SLC35F1: variants seen among roughly 807,000 people sequenced by gnomAD.
The protein encoded by SLC35F1 is solute carrier family 35 member F1, also known as chromosome 6 open reading frame 169.
A neutral mutation model predicts 48.7 loss-of-function variants in SLC35F1; 14 were observed. That is an observed-to-expected ratio of 0.29 (90% CI 0.19 to 0.45). The LOEUF is 0.45. Among genes scored for constraint, SLC35F1 ranks in the 20% least tolerant of loss-of-function variants. SLC35F1 has a pLI of 1.00. For synonymous variants in SLC35F1, 190 were observed against 202.2 expected (o/e 0.94, Z 0.51); for missense variants, 404 against 500.0 (o/e 0.81, Z 1.83).
intron 1 of SLC35F1, 64 bp downstream of exon 1, chr6:117,907,963 C>T: frequency 1.6e-6 from 2 of 1,278,326 alleles, no homozygotes; most frequent in Non-Finnish European, 2.0e-6. Context: ...CTCCGGGTCC[C>T]CTCCGTCCCT....
At chr6:118,123,203 G>T (rs942006643) in intron 1 of SLC35F1, among the ~76,000 whole-genome samples, 1 of 152,036 alleles carries the variant, frequency 6.6e-6, no homozygotes, top group Admixed American at 6.5e-5. Context: ...CACTTCTCTG[G>T]CTATGTCTCC....
chr6:117,942,155 G>A (rs1776240998), intron 1 of SLC35F1, among the ~76,000 whole-genome samples: 1 of 152,124 alleles, frequency 6.6e-6, no homozygotes, highest in African/African-American at 2.4e-5. Flanking sequence ...CAGAACCTCA[G>A]TCACTTGTTT....
intron 1 of SLC35F1, among the ~76,000 whole-genome samples, chr6:117,982,978 A>C (rs1776801681): frequency 6.6e-6 from 1 of 152,200 alleles, no homozygotes. Context: ...TCTCAGCTAC[A>C]TGATCTTCAT....
intron 4 of SLC35F1, among the ~76,000 whole-genome samples, chr6:118,268,142 A>G (rs1290159903): frequency 6.6e-6 from 1 of 152,200 alleles, no homozygotes; most frequent in Non-Finnish European, 1.5e-5. Flanking sequence ...GACCTTGTTC[A>G]ACTCCTTTGT....
intron 1 of SLC35F1, among the ~76,000 whole-genome samples, chr6:118,116,540 AC>A (rs1773478814): frequency 6.6e-6 from 1 of 152,188 alleles, no homozygotes; most frequent in South Asian, 2.1e-4. Context: ...CTAGGAGCCT[AC>A]ACAATATCCT....
At chr6:118,313,999 C>T (rs1402443737) in intron 7 of SLC35F1, 29 bp from the exon 8 acceptor site, 1 of 1,607,786 alleles carries the variant, frequency 6.2e-7, no homozygotes, top group Admixed American at 1.7e-5. Flanking sequence ...CCCTGGCTGT[C>T]AAATGACTTT....
chr6:117,939,562 A>G (rs916228881), intron 1 of SLC35F1, among the ~76,000 whole-genome samples: 5 of 152,210 alleles, frequency 3.3e-5, no homozygotes, highest in Non-Finnish European at 5.9e-5. Context: ...GAAGGTTACT[A>G]AAAAATTTCA....
intron 1 of SLC35F1, among the ~76,000 whole-genome samples, chr6:118,047,125 T>C (rs918727746): frequency 6.6e-6 from 1 of 152,126 alleles, no homozygotes; most frequent in Non-Finnish European, 1.5e-5. Flanking sequence ...CAAGAAGCTA[T>C]GGATAAAAGA....
At chr6:118,002,579 A>G (rs1777117576) in intron 1 of SLC35F1, among the ~76,000 whole-genome samples, 1 of 152,040 alleles carries the variant, frequency 6.6e-6, no homozygotes, top group Non-Finnish European at 1.5e-5. Context: ...GTGCACATGT[A>G]CCCTAAAACT....
rs1484033319 is a variant in SLC35F1 at position 117,923,635 on chromosome 6, G to A, written c.173+15736G>A. 1.1e-4 allele frequency among the ~76,000 whole-genome samples: 10 copies of A among 93,706 alleles called. 3 individuals are homozygous for A. Among genetic ancestry groups the A allele is most frequent in the East Asian group, 2.9e-4 (1 of 3,390 alleles). The allele number at this position is 93,706 out of a possible 152,430, so 61.5% of individuals were successfully genotyped here. On this transcript the variant is annotated intron_variant, in intron 1 of 7. Coordinates refer to ENST00000360388, the MANE Select transcript of SLC35F1 (RefSeq NM_001029858.4). ...TATACATATGTATATATACATATATGTACATATGTACATATGTACATATGT... is the reference window on the plus strand; with the variant it reads ...TATACATATGTATATATACATATATATACATATGTACATATGTACATATGT...
In SLC35F1 at chr6:118,264,246, G is replaced by A. The variant is rs181840239; in HGVS notation, c.478-2749G>A. 1.4e-3 allele frequency among the ~76,000 whole-genome samples: 219 copies of A among 152,296 alleles called. 4 individuals are homozygous for A. The highest frequency in any genetic ancestry group is 0.013 in the Admixed American group (193 of 15,292). ...ATCAGTTGTCCCACCCTAAATGCCA[G>A]TAGCAACCTTGATTATCTCTAATGT... On this transcript the variant is annotated intron_variant, in intron 3 of 7. Coordinates refer to ENST00000360388, the MANE Select transcript of SLC35F1 (RefSeq NM_001029858.4).
At chr6:118,216,282 A>G (rs771654042) in intron 2 of SLC35F1, among the ~76,000 whole-genome samples, 2 of 151,124 alleles carry the variant, frequency 1.3e-5, no homozygotes, top group Admixed American at 6.6e-5. Flanking sequence ...AAATCTCACT[A>G]TGTTGCCCAG....
At chr6:118,069,859 G>A (rs561273782) in intron 1 of SLC35F1, among the ~76,000 whole-genome samples, 4 of 152,244 alleles carry the variant, frequency 2.6e-5, no homozygotes, top group East Asian at 3.9e-4. Context: ...CATTTAGGCC[G>A]GGCGCGGTGG....
chr6:117,949,251 T>C (rs987867273), intron 1 of SLC35F1, among the ~76,000 whole-genome samples: 1 of 152,178 alleles, frequency 6.6e-6, no homozygotes, highest in Non-Finnish European at 1.5e-5. Flanking sequence ...TCAGAGTTGA[T>C]AGTAGAGCTG....
intron 3 of SLC35F1, among the ~76,000 whole-genome samples, chr6:118,251,000 AG>A (rs995748455): frequency 6.6e-6 from 1 of 151,592 alleles, no homozygotes; most frequent in Non-Finnish European, 1.5e-5. Flanking sequence ...GAAAGAAATG[AG>A]TCATGGCCAG....
At chr6:117,973,065 A>AT in intron 1 of SLC35F1, among the ~76,000 whole-genome samples, 1 of 152,220 alleles carries the variant, frequency 6.6e-6, no homozygotes, top group Non-Finnish European at 1.5e-5. Flanking sequence ...ATAGAAATTT[A>AT]TTTTTTTCAC....
chr6:118,142,104 T>G (rs1573715), intron 1 of SLC35F1, among the ~76,000 whole-genome samples: 31,953 of 152,110 alleles, frequency 0.21, 3,782 homozygotes, highest in East Asian at 0.39. Context: ...ATCTTAGGTT[T>G]ATAATCTGCC....
intron 6 of SLC35F1, among the ~76,000 whole-genome samples, chr6:118,282,972 T>C (rs1233609167): frequency 6.6e-6 from 1 of 152,188 alleles, no homozygotes; most frequent in Non-Finnish European, 1.5e-5. Flanking sequence ...AATCACCTTT[T>C]GAAAATGTAG....
intron 1 of SLC35F1, among the ~76,000 whole-genome samples, chr6:118,150,402 AC>A (rs1367656140): frequency 6.6e-6 from 1 of 152,166 alleles, no homozygotes; most frequent in Non-Finnish European, 1.5e-5. Flanking sequence ...GCTATTTTAT[AC>A]TATATTGGCG....
Sources: gnomAD v4.1 joint callset for allele counts (sites outside exome capture counted in the v4.1 genomes callset) on GRCh38, gnomAD v4.1.1 for gene constraint, MANE v1.5 for transcripts, NCBI Gene and HGNC (gene_info 2026-07-23, HGNC 2026-07-21) for gene names.